Variants in ANO3 observed in about 807,000 individuals in gnomAD.
The protein encoded by ANO3 is anoctamin 3.
ANO3 carries 99 observed loss-of-function variants against 144.8 expected under a neutral mutation model. The observed-to-expected ratio is 0.68, with a 90% CI of 0.58 to 0.81. ANO3 has a LOEUF of 0.81. Among genes scored for constraint, ANO3 ranks in the 30% least tolerant of loss-of-function variants. ANO3 has a pLI of 0.00. For synonymous variants in ANO3, 414 were observed against 392.6 expected (o/e 1.05, Z -0.64); for missense variants, 905 against 1,202.2 (o/e 0.75, Z 3.66).
intron 14 of ANO3, among the ~76,000 whole-genome samples, chr11:26,584,153 TTG>T (rs1851212394): frequency 6.7e-6 from 1 of 149,796 alleles, no homozygotes; most frequent in African/African-American, 2.4e-5. Flanking sequence ...GTTTTTTTGT[TTG>T]TTTGTTTGTT....
rs372491617 is a variant in ANO3, at chr11:26,376,404, T to C, written c.46+44083T>C. Among the ~76,000 whole-genome samples the C allele has an allele frequency of 1.4e-4, 22 of 152,318 alleles. No homozygotes were observed. The East Asian group carries it at 1.7e-3, about 12-fold the overall frequency. ...TAAAGGAACTTTACATTTCACATTA[T>C]ATATATCTCTGTTCTTTCCATTCAA... is the stretch of plus-strand genomic sequence containing the variant. On this transcript the variant is annotated intron_variant, in intron 1 of 26. Coordinates refer to ENST00000256737, the MANE Select transcript of ANO3 (RefSeq NM_031418.4).
At chr11:26,502,778 T>A (rs1041183405) in intron 4 of ANO3, among the ~76,000 whole-genome samples, 1 of 152,008 alleles carries the variant, frequency 6.6e-6, no homozygotes, top group African/African-American at 2.4e-5. Flanking sequence ...TGTCTTATTT[T>A]CTTTAGCCCT....
intron 1 of ANO3, among the ~76,000 whole-genome samples, chr11:26,206,690 T>C (rs903512441): frequency 6.6e-6 from 1 of 152,196 alleles, no homozygotes; most frequent in Non-Finnish European, 1.5e-5. Flanking sequence ...TAATAAGTTA[T>C]TTATTCTCAT....
intron 11 of ANO3, among the ~76,000 whole-genome samples, chr11:26,543,730 T>C (rs1174885211): frequency 6.6e-6 from 1 of 151,978 alleles, no homozygotes; most frequent in Non-Finnish European, 1.5e-5. Context: ...GTCCTTGAGA[T>C]AGTTTGCTCA....
chr11:26,616,436 GTTT>G (rs35002566), intron 17 of ANO3, among the ~76,000 whole-genome samples: 32 of 137,428 alleles, frequency 2.3e-4, no homozygotes, highest in East Asian at 1.7e-3. Context: ...TGCGTTTCTG[GTTT>G]TTTTTTTTTT....
chr11:26,380,887 C>T (rs1402064327), intron 1 of ANO3, among the ~76,000 whole-genome samples: 1 of 152,064 alleles, frequency 6.6e-6, no homozygotes, highest in African/African-American at 2.4e-5. Flanking sequence ...GAGGCTGAGA[C>T]AGGAGAATCA....
rs1858500454 is a variant in ANO3, at chr11:26,441,123, T to TTGTTG, written c.47-794_47-793insGTTGT. Reference sequence around the variant, plus strand: ...GCTGCCCAGTTTTTTTTTTTTTTTTTTTTTTTTTTTTTGAGACGGAGTCTC... The same window carrying TTGTTG: ...GCTGCCCAGTTTTTTTTTTTTTTTTTTGTTGTTTTTTTTTTTTGAGACGGAGTCTC... On this transcript the variant is annotated intron_variant, in intron 1 of 26. Coordinates refer to ENST00000256737, the MANE Select transcript of ANO3 (RefSeq NM_031418.4). Among the ~76,000 whole-genome samples the TTGTTG allele has an allele frequency of 4.0e-5, 5 of 123,642 alleles. 1 individual carries two copies. The South Asian group carries it at 1.2e-3, about 31-fold the overall frequency. The allele number at this position is 123,642 out of a possible 152,430, so 81.1% of individuals were successfully genotyped here. A position where few individuals can be genotyped will look rare whatever the true frequency, so the allele number is the denominator to read the frequency against.
At chr11:26,273,831 AG>A (rs748581154) in intron 1 of ANO3, among the ~76,000 whole-genome samples, 1 of 152,176 alleles carries the variant, frequency 6.6e-6, no homozygotes, top group Non-Finnish European at 1.5e-5. Flanking sequence ...ACATGGAGGA[AG>A]CAGTGTCAGA....
intron 1 of ANO3, among the ~76,000 whole-genome samples, chr11:26,215,049 G>A (rs1852009231): frequency 6.6e-6 from 1 of 151,924 alleles, no homozygotes; most frequent in South Asian, 2.1e-4. Flanking sequence ...ACAAAGGTAC[G>A]TACTATCAAC....
intron 3 of ANO3, among the ~76,000 whole-genome samples, chr11:26,458,599 T>C (rs1859255172): frequency 6.6e-6 from 1 of 152,164 alleles, no homozygotes. Context: ...CTTAAGATTA[T>C]AGTTTAAGCA....
intron 1 of ANO3, among the ~76,000 whole-genome samples, chr11:26,333,023 T>C (rs1855096284): frequency 6.6e-6 from 1 of 152,206 alleles, no homozygotes; most frequent in African/African-American, 2.4e-5. Flanking sequence ...AAAGGCTTTT[T>C]ACAGAGCATT....
At chr11:26,623,872 T>C (rs1346304667) in intron 17 of ANO3, among the ~76,000 whole-genome samples, 1 of 152,158 alleles carries the variant, frequency 6.6e-6, no homozygotes, top group Non-Finnish European at 1.5e-5. Flanking sequence ...CTGGAAGTTC[T>C]GCCTCCCGGT....
At chr11:26,320,680 A>G (rs1854737204) in intron 1 of ANO3, among the ~76,000 whole-genome samples, 2 of 152,128 alleles carry the variant, frequency 1.3e-5, no homozygotes, top group Non-Finnish European at 2.9e-5. Context: ...TTATTTATAA[A>G]TTACACTCCT....
rs568919100 is a variant in ANO3 at position 26,431,720 on chromosome 11, G to C, written c.47-10198G>C. 2.0e-5 allele frequency among the ~76,000 whole-genome samples: 3 copies of C among 152,226 alleles called. No homozygotes were observed. The South Asian group carries it at 6.2e-4, about 32-fold the overall frequency. On this transcript the variant is annotated intron_variant, in intron 1 of 26. Transcript: ENST00000256737. ...CAGCTCCATCCATGTTCCTGCAAAGGACATGATCTTGTTCTTTTTATGGCT... is the reference window on the plus strand; with the variant it reads ...CAGCTCCATCCATGTTCCTGCAAAGCACATGATCTTGTTCTTTTTATGGCT...
intron 4 of ANO3, among the ~76,000 whole-genome samples, chr11:26,474,600 C>G (rs1261572236): frequency 6.6e-6 from 1 of 151,744 alleles, no homozygotes; most frequent in East Asian, 1.9e-4. Flanking sequence ...ACATCAGGTA[C>G]GAAGTTCACT....
chr11:26,279,162 A>G (rs1351978165), intron 1 of ANO3, among the ~76,000 whole-genome samples: 1 of 152,162 alleles, frequency 6.6e-6, no homozygotes, highest in African/African-American at 2.4e-5. Flanking sequence ...GAGTCTGTGA[A>G]GCTTTTTTCT....
At chr11:26,530,632 G>A (rs1361662285) in intron 7 of ANO3, among the ~76,000 whole-genome samples, 5 of 151,812 alleles carry the variant, frequency 3.3e-5, no homozygotes, top group African/African-American at 7.2e-5. Context: ...AGGCCGAGGC[G>A]GGTGGATCTC....
At chr11:26,645,140 T>C (rs1339815271) in intron 23 of ANO3, among the ~76,000 whole-genome samples, 2 of 152,144 alleles carry the variant, frequency 1.3e-5, no homozygotes, top group Non-Finnish European at 2.9e-5. Context: ...TATTATTTCA[T>C]TTAAATTGTT....
intron 20 of ANO3, among the ~76,000 whole-genome samples, chr11:26,638,241 T>C (rs1853029860): frequency 6.6e-6 from 1 of 152,136 alleles, no homozygotes; most frequent in Admixed American, 6.6e-5. Flanking sequence ...AATGAGCAGC[T>C]TTCCAGTGGA....
Sources: allele counts gnomAD v4.1 joint callset (sites outside exome capture counted in the v4.1 genomes callset), GRCh38; gene constraint gnomAD v4.1.1; transcripts MANE v1.5; gene names NCBI Gene and HGNC (gene_info 2026-07-23, HGNC 2026-07-21).